BPIFA2: variants seen among roughly 807,000 people sequenced by gnomAD.
The protein encoded by BPIFA2 is BPI fold containing family A member 2, also known as BPI fold-containing family A member 2.
BPIFA2 carries 20 observed loss-of-function variants against 25.7 expected under a neutral mutation model. The ratio of observed to expected loss-of-function variants is 0.78; its 90% CI spans 0.55 to 1.13. The LOEUF is 1.13. BPIFA2 is among the 50% of genes most tolerant of loss of function. BPIFA2 has a pLI of 0.00. For missense variants in BPIFA2, 300 were observed against 298.1 expected, an observed-to-expected ratio of 1.01 and a Z score of -0.05; for synonymous variants, 126 against 124.3, an observed-to-expected ratio of 1.01 and a Z score of -0.09.
intron 5 of BPIFA2, among the ~76,000 whole-genome samples, chr20:33,176,389 GGCCT>G (rs1490923119): frequency 2.0e-4 from 30 of 152,236 alleles, no homozygotes; most frequent in African/African-American, 6.5e-4. Context: ...GGGGCTACTT[GGCCT>G]TGGCCAGGAG....
At chr20:33,180,664 TCC>T (rs1984248242) in intron 8 of BPIFA2, 67 bp downstream of exon 8, 2 of 1,340,738 alleles carry the variant, frequency 1.5e-6, no homozygotes, top group African/African-American at 1.5e-5. Flanking sequence ...AAGCGTGGCT[TCC>T]CTTATTTTTG....
At chr20:33,179,765 G>C (rs1984210657) in intron 7 of BPIFA2, 98 bp downstream of exon 7, 1 of 1,249,130 alleles carries the variant, frequency 8.0e-7, no homozygotes, top group African/African-American at 1.5e-5. Flanking sequence ...AGAAGCAGAA[G>C]GACCCACTGT....
rs918357553 is a variant in BPIFA2 at position 33,178,297 on chromosome 20, G to A, written c.645+69G>A. On this transcript the variant is annotated intron_variant, in intron 6 of 8. Coordinates refer to ENST00000354932, the MANE Select transcript of BPIFA2 (RefSeq NM_080574.4). ...GGCAGGTGGGGGAATTTGCAGGCCT[G>A]GCTGTATCCTCTGAGCACTTTTCCT... 2.3e-5 allele frequency: 28 copies of A among 1,238,082 alleles called. No homozygotes were observed. The African/African-American group carries it at 4.2e-4, about 19-fold the overall frequency. 76.7% of individuals were successfully genotyped at this position (1,238,082 alleles called of 1,614,324 possible).
chr20:33,165,006 T>C (rs1600594216), upstream of BPIFA2, among the ~76,000 whole-genome samples: 1 of 152,364 alleles, frequency 6.6e-6, no homozygotes, highest in Non-Finnish European at 1.5e-5. Flanking sequence ...GGTCTATTAG[T>C]GTCCAGATGT....
chr20:33,166,079 C>A (rs1215941670), upstream of BPIFA2, among the ~76,000 whole-genome samples: 1 of 152,100 alleles, frequency 6.6e-6, no homozygotes, highest in Non-Finnish European at 1.5e-5. Context: ...TGAAGTGGCA[C>A]AATCTTGGCT....
intron 8 of BPIFA2, 64 bp downstream of exon 8, chr20:33,180,661 G>A (rs1399558388): frequency 2.9e-6 from 4 of 1,359,886 alleles, no homozygotes; most frequent in Non-Finnish European, 4.2e-6. Context: ...GTCAAGCGTG[G>A]CTTCCCTTAT....
Position 33,173,046 on chromosome 20 carries a change from A to C in BPIFA2, c.272A>C (p.Lys91Thr). The C allele has an allele frequency of 6.2e-7, 1 of 1,614,056 alleles. No individual in the cohort carries two copies. The highest frequency in any genetic ancestry group is 1.1e-5 in the South Asian group (1 of 91,046). The change falls in exon 3 of 9, where the codon AAG becomes ACG. Residue 91 changes from lysine to threonine, a missense_variant. By Grantham distance (78) the Lys-to-Thr change is moderately conservative. Transcript: ENST00000354932. ...AAATTGCTGAACAATGTCATTTCTAAGCTGCTTCCAACTAACACGGACATT... is the reference window on the plus strand; with the variant it reads ...AAATTGCTGAACAATGTCATTTCTACGCTGCTTCCAACTAACACGGACATT... Reference protein sequence around the residue: ...AEKLLNNVISKLLPTNTDIFG... With the variant: ...AEKLLNNVISTLLPTNTDIFG...
intron 2 of BPIFA2, among the ~76,000 whole-genome samples, chr20:33,171,261 A>G (rs748703907): frequency 3.3e-5 from 5 of 151,866 alleles, no homozygotes; most frequent in Non-Finnish European, 7.4e-5. Context: ...TTTTTTTTCT[A>G]ATTCTGTGAA....
chr20:33,162,141 C>T (rs147004807), intron 1 of BPIFA2, among the ~76,000 whole-genome samples: 1,535 of 152,176 alleles, frequency 0.01, 17 homozygotes, highest in African/African-American at 0.034. Context: ...CCACCACACC[C>T]GGCTAATTTT....
At chr20:33,166,194 T>C (rs1983718409), upstream of BPIFA2, among the ~76,000 whole-genome samples, 1 of 152,010 alleles carries the variant, frequency 6.6e-6, no homozygotes, top group Non-Finnish European at 1.5e-5. Flanking sequence ...ATTTTGTATT[T>C]TTAGTAGAGA....
chr20:33,163,377 C>A (rs148208711), upstream of BPIFA2, among the ~76,000 whole-genome samples: 3 of 152,274 alleles, frequency 2.0e-5, no homozygotes, highest in East Asian at 5.8e-4. Flanking sequence ...CCCAGTCCAG[C>A]GGAGGAGAAA....
rs1429087484 is a variant in BPIFA2 at position 33,180,521 on chromosome 20, T to C, written c.711T>C (p.Asp237=). ...CTGCTATTGATTTTGTTTCTTCAGATAATCCTCAGCACAAAACCCAGCTGC... is the reference window on the plus strand; with the variant it reads ...CTGCTATTGATTTTGTTTCTTCAGACAATCCTCAGCACAAAACCCAGCTGC... The part of the protein sequence containing the change: ...LDVNVIQQVV[D]NPQHKTQLQT... The change falls in exon 8 of 9, where the codon GAT becomes GAC. Residue 237 remains aspartate, a splice_region_variant and synonymous_variant. Coordinates refer to ENST00000354932, the MANE Select transcript of BPIFA2 (RefSeq NM_080574.4). The C allele has an allele frequency of 6.2e-7, 1 of 1,612,984 alleles. No individual in the cohort carries two copies. The highest frequency in any genetic ancestry group is 8.5e-7 in the Non-Finnish European group (1 of 1,179,068).
intron 3 of BPIFA2, among the ~76,000 whole-genome samples, chr20:33,173,596 C>G (rs1329231379): frequency 2.0e-5 from 3 of 152,152 alleles, no homozygotes; most frequent in African/African-American, 7.2e-5. Flanking sequence ...GCCTCGCCTC[C>G]TGGGTTCAAG....
rs138187518 is a variant in BPIFA2, at chr20:33,177,728, G to A, written c.564-419G>A. ...TGAGGAGGTGGCAATTATACTAAGA[G>A]TTGAAGGTGGGAGGAGCCAACTTTG... On this transcript the variant is annotated intron_variant, in intron 5 of 8. Coordinates refer to ENST00000354932, the MANE Select transcript of BPIFA2 (RefSeq NM_080574.4). Among the ~76,000 whole-genome samples the A allele has an allele frequency of 1.3e-3, 191 of 152,292 alleles. 5 individuals carry two copies. In the East Asian group the frequency reaches 0.034, roughly 27 times the overall value.
In BPIFA2 at chr20:33,169,206, C is replaced by G; in HGVS notation, c.61C>G (p.Leu21Val). ...CGVLTGTSES[L>V]LDNLGNDLSN... is the part of the protein sequence containing the mutation. The stretch of plus-strand genomic sequence containing the variant: ...CGTGCTCACTGGGACCTCAGAGTCT[C>G]TTCTTGACAATCTTGGCAATGACCT... Residue 21 changes from leucine (L) to valine (V), a missense_variant, in exon 2 of 9, where the codon CTT becomes GTT. Physicochemically the swap from Leu to Val is conservative, Grantham distance 32. Transcript: ENST00000354932. 6.2e-7 allele frequency: 1 copy of G among 1,614,086 alleles called. No homozygotes were observed. Among genetic ancestry groups the G allele is most frequent in the Non-Finnish European group, 8.5e-7 (1 of 1,179,940 alleles).
intron 5 of BPIFA2, among the ~76,000 whole-genome samples, chr20:33,177,408 T>C (rs147960788): frequency 2.0e-5 from 3 of 151,700 alleles, no homozygotes; most frequent in African/African-American, 4.8e-5. Context: ...GCAGGCACCA[T>C]TCTGGGCTCT....
chr20:33,180,312 C>G (rs553557611), intron 7 of BPIFA2, among the ~76,000 whole-genome samples: 1 of 152,290 alleles, frequency 6.6e-6, no homozygotes, highest in South Asian at 2.1e-4. Context: ...CACTATCTCA[C>G]TGGATCCTTG....
upstream of BPIFA2, among the ~76,000 whole-genome samples, chr20:33,166,240 C>T: frequency 6.6e-6 from 1 of 152,118 alleles, no homozygotes; most frequent in East Asian, 1.9e-4. Flanking sequence ...TGGTCTCGAA[C>T]TCCTGACCTC....
upstream of BPIFA2, among the ~76,000 whole-genome samples, chr20:33,166,914 G>T (rs936222209): frequency 5.9e-5 from 9 of 152,236 alleles, no homozygotes; most frequent in African/African-American, 1.9e-4. Context: ...CTTCACAACT[G>T]GGGGAAGAGC....
Sources: allele counts gnomAD v4.1 joint callset (sites outside exome capture counted in the v4.1 genomes callset), GRCh38; gene constraint gnomAD v4.1.1; transcripts MANE v1.5; gene names NCBI Gene and HGNC (gene_info 2026-07-23, HGNC 2026-07-21).